The following CLSTN2 variants were observed in gnomAD, a reference collection of about 807,000 sequenced individuals.
CLSTN2 encodes calsyntenin-2.
Under a neutral mutation model 101.2 loss-of-function variants are expected in CLSTN2, and 48 were observed. The observed-to-expected ratio is 0.47, with a 90% confidence interval of 0.38 to 0.60. The LOEUF (loss-of-function observed/expected upper bound fraction) is 0.60. Among genes scored for constraint, CLSTN2 ranks in the 20% least tolerant of loss-of-function variants. The pLI is 0.00. For missense variants in CLSTN2, 1,160 were observed against 1,238.2 expected (o/e 0.94, Z 0.95); for synonymous variants, 481 against 463.6 (o/e 1.04, Z -0.48).
chr3:140,073,930 C>T (rs529564061), intron 1 of CLSTN2, among the ~76,000 whole-genome samples: 36 of 152,286 alleles, frequency 2.4e-4, no homozygotes, highest in Non-Finnish European at 4.4e-4. Context: ...TTCTGCCCTG[C>T]CCCTGTGAAA....
chr3:140,010,719 C>T (rs75113936), intron 1 of CLSTN2, among the ~76,000 whole-genome samples: 2,008 of 152,264 alleles, frequency 0.013, 50 homozygotes, highest in African/African-American at 0.046. Context: ...CTGCACTCCC[C>T]AACTGTTGTG....
intron 1 of CLSTN2, among the ~76,000 whole-genome samples, chr3:140,039,686 G>A (rs534120004): frequency 2.6e-4 from 39 of 152,262 alleles, no homozygotes; most frequent in African/African-American, 9.1e-4. Context: ...AATTTGTGGG[G>A]CTGAAAACAA....
chr3:140,477,721 G>A (rs149986049), intron 8 of CLSTN2, among the ~76,000 whole-genome samples: 145 of 152,342 alleles, frequency 9.5e-4, no homozygotes, highest in African/African-American at 3.3e-3. Context: ...GTCTTGTTGA[G>A]AAGATTTAGA....
At chr3:140,016,793 G>GAAAAAAAAA (rs56040791) in intron 1 of CLSTN2, among the ~76,000 whole-genome samples, 8 of 89,276 alleles carry the variant, frequency 9.0e-5, no homozygotes, top group Admixed American at 1.4e-4. Context: ...GTGAGACTCT[G>GAAAAAAAAA]AAAAAAAAAA....
intron 2 of CLSTN2, among the ~76,000 whole-genome samples, chr3:140,273,605 G>A (rs1040766549): frequency 5.3e-5 from 8 of 152,174 alleles, no homozygotes; most frequent in Admixed American, 3.3e-4. Context: ...GAACCACCGT[G>A]TCAGAGCCCC....
chr3:139,950,221 A>T (rs1409631725), intron 1 of CLSTN2, among the ~76,000 whole-genome samples: 1 of 152,182 alleles, frequency 6.6e-6, no homozygotes, highest in African/African-American at 2.4e-5. Context: ...GTTCTGAGTG[A>T]TAAAGCTTTG....
chr3:139,982,368 A>AT (rs11452770), intron 1 of CLSTN2, among the ~76,000 whole-genome samples: 44,023 of 151,140 alleles, frequency 0.29, 6,582 homozygotes, highest in East Asian at 0.41. Flanking sequence ...AACATCTTAA[A>AT]TTTTTTTTTA....
intron 2 of CLSTN2, among the ~76,000 whole-genome samples, chr3:140,280,047 C>T (rs527968678): frequency 2.0e-5 from 3 of 152,324 alleles, no homozygotes; most frequent in East Asian, 3.9e-4. Context: ...TCTTTGCTTA[C>T]AGCCCTGGTG....
intron 1 of CLSTN2, among the ~76,000 whole-genome samples, chr3:140,101,191 C>T (rs1328741855): frequency 5.3e-5 from 8 of 152,156 alleles, no homozygotes; most frequent in Non-Finnish European, 1.2e-4. Context: ...GTTCCTGGTA[C>T]ATAATAGGCA....
intron 8 of CLSTN2, among the ~76,000 whole-genome samples, chr3:140,490,163 T>C (rs1440184358): frequency 7.9e-6 from 1 of 125,956 alleles, no homozygotes; most frequent in Admixed American, 8.3e-5. Context: ...CACACACACA[T>C]ATATACAGCC....
chr3:140,164,498 G>A (rs753810189), intron 1 of CLSTN2, among the ~76,000 whole-genome samples: 3 of 152,156 alleles, frequency 2.0e-5, no homozygotes, highest in Admixed American at 6.6e-5. Flanking sequence ...CCTCCATTTT[G>A]TAAAAGAGAG....
chr3:139,953,559 G>A (rs1935329488), intron 1 of CLSTN2, among the ~76,000 whole-genome samples: 1 of 152,156 alleles, frequency 6.6e-6, no homozygotes, highest in Non-Finnish European at 1.5e-5. Context: ...CTTGCCAAGT[G>A]TGGCAGGTCA....
chr3:140,545,504 C>A (rs969370918), intron 9 of CLSTN2, among the ~76,000 whole-genome samples: 27 of 152,154 alleles, frequency 1.8e-4, no homozygotes, highest in African/African-American at 6.3e-4. Flanking sequence ...AGCTGGAATT[C>A]AACCCAGGCC....
intron 2 of CLSTN2, among the ~76,000 whole-genome samples, chr3:140,343,856 A>G (rs547320677): frequency 3.6e-4 from 55 of 152,324 alleles, no homozygotes; most frequent in African/African-American, 1.3e-3. Context: ...ATGTATGTGT[A>G]GCTCACTGGC....
intron 1 of CLSTN2, among the ~76,000 whole-genome samples, chr3:139,950,896 T>C (rs528754457): frequency 1.3e-5 from 2 of 152,302 alleles, no homozygotes; most frequent in African/African-American, 4.8e-5. Flanking sequence ...AGCTTACAGA[T>C]GCAAACAGAT....
At chr3:140,176,174 C>T (rs2010321729) in intron 2 of CLSTN2, 101 bp downstream of exon 2, 2 of 1,278,406 alleles carry the variant, frequency 1.6e-6, no homozygotes, top group Admixed American at 2.1e-5. Context: ...ATTGTCACCA[C>T]CCTGTGCATC....
At chr3:140,446,759 C>G (rs997574182) in intron 5 of CLSTN2, among the ~76,000 whole-genome samples, 2 of 152,140 alleles carry the variant, frequency 1.3e-5, no homozygotes, top group Non-Finnish European at 2.9e-5. Flanking sequence ...GAGGCTTCCC[C>G]CAATGCATTT....
intron 1 of CLSTN2, among the ~76,000 whole-genome samples, chr3:140,107,892 T>C (rs2009088330): frequency 6.6e-6 from 1 of 152,024 alleles, no homozygotes; most frequent in Non-Finnish European, 1.5e-5. Flanking sequence ...CTCAGTTTGA[T>C]AGCTAAGAAG....
At chr3:140,335,448 T>G (rs1237874972) in intron 2 of CLSTN2, among the ~76,000 whole-genome samples, 1 of 129,988 alleles carries the variant, frequency 7.7e-6, no homozygotes, top group African/African-American at 2.9e-5. Flanking sequence ...TCAGAAGATG[T>G]GAAAGGCCAA....
Sources: gnomAD v4.1 joint callset for allele counts (sites outside exome capture counted in the v4.1 genomes callset) on GRCh38, gnomAD v4.1.1 for gene constraint, MANE v1.5 for transcripts, NCBI Gene and HGNC (gene_info 2026-07-23, HGNC 2026-07-21) for gene names.